Variants in SVIL observed in about 807,000 individuals in gnomAD.
The protein encoded by SVIL is supervillin, also known as archvillin.
A neutral mutation model predicts 240.4 loss-of-function variants in SVIL; 101 were observed. The ratio of observed to expected loss-of-function variants is 0.42; its 90% CI spans 0.36 to 0.50. SVIL has a LOEUF of 0.50. SVIL is among the 20% of genes least tolerant of loss of function. The probability of loss-of-function intolerance (pLI) is 0.01; values close to 1 mark genes in which losing one functional copy is unlikely to be tolerated. For synonymous variants in SVIL, 999 were observed against 1,100.0 expected, an observed-to-expected ratio of 0.91 and a Z score of 1.82; for missense variants, 2,512 against 2,818.7, an observed-to-expected ratio of 0.89 and a Z score of 2.46.
At chr10:29,492,483 G>T (rs146446576) in intron 21 of SVIL, among the ~76,000 whole-genome samples, 12 of 152,106 alleles carry the variant, frequency 7.9e-5, no homozygotes, top group African/African-American at 2.7e-4. Flanking sequence ...ACTGTTCAGC[G>T]CGTGAGCCAG....
chr10:29,725,028 C>CAAAAAAAAAAAAAAAAAAAAAAA (rs1187861054), intron 1 of SVIL, among the ~76,000 whole-genome samples: 1 of 40,922 alleles, frequency 2.4e-5, no homozygotes. Flanking sequence ...GACCCGGTCT[C>CAAAAAAAAAAAAAAAAAAAAAAA]AAAAAAAAAA....
rs1245943308 is a variant in SVIL, at chr10:29,478,631, A to G, written c.5377+1906T>C. On this transcript the variant is annotated intron_variant, in intron 29 of 37. Transcript: ENST00000355867. ...ATGAAAAAGGAAAGGAGCAGTTCCAATTGCTTGCTCATAAGAAATTAAGTA... is the reference window on the plus strand; with the variant it reads ...ATGAAAAAGGAAAGGAGCAGTTCCAGTTGCTTGCTCATAAGAAATTAAGTA... Among the ~76,000 whole-genome samples the G allele has an allele frequency of 2.6e-5, 4 of 152,138 alleles. No individual in the cohort carries two copies. In the East Asian group the frequency reaches 7.7e-4, roughly 29 times the overall value.
chr10:29,546,401 A>G (rs1169951081), intron 6 of SVIL, among the ~76,000 whole-genome samples: 1 of 152,212 alleles, frequency 6.6e-6, no homozygotes, highest in Non-Finnish European at 1.5e-5. Context: ...GTCCAACTGA[A>G]TTCCTGGGCA....
At chr10:29,543,242 A>C (rs752609599) in intron 6 of SVIL, among the ~76,000 whole-genome samples, 2 of 152,214 alleles carry the variant, frequency 1.3e-5, no homozygotes, top group Non-Finnish European at 2.9e-5. Context: ...AAAACACAAC[A>C]AAACAACCTG....
rs10667163 is a variant in SVIL at position 29,568,787 on chromosome 10, G to GTGGATGGA, written c.-143+460_-143+467dup. Among the ~76,000 whole-genome samples the GTGGATGGA allele has an allele frequency of 6.4e-3, 891 of 139,756 alleles. 30 individuals carry two copies. The South Asian group carries it at 0.095, about 15-fold the overall frequency. 91.7% of individuals were successfully genotyped at this position (139,756 alleles called of 152,430 possible). ...ATAACTCACATGGATGGGTGGATGG[G>GTGGATGGA]TGGATGGATGGATGGATGGATGGAT... On this transcript the variant is annotated intron_variant, in intron 2 of 37. Transcript: ENST00000355867.
chr10:29,517,504 A>G (rs1364735654), intron 16 of SVIL, among the ~76,000 whole-genome samples: 1 of 152,234 alleles, frequency 6.6e-6, no homozygotes, highest in African/African-American at 2.4e-5. Flanking sequence ...TCTTATTCCT[A>G]CATAAATCTG....
chr10:29,644,795 C>A (rs1244458166), intron 3 of SVIL, among the ~76,000 whole-genome samples: 1 of 152,138 alleles, frequency 6.6e-6, no homozygotes, highest in Non-Finnish European at 1.5e-5. Flanking sequence ...CGAGTGGGAA[C>A]TTCCTACCCT....
At chr10:29,640,210 G>C (rs1485339734) in intron 3 of SVIL, among the ~76,000 whole-genome samples, 2 of 152,068 alleles carry the variant, frequency 1.3e-5, no homozygotes, top group Non-Finnish European at 2.9e-5. Flanking sequence ...CTACAACCCA[G>C]AAACTGCTCT....
chr10:29,685,385 T>C (rs1327331251), intron 2 of SVIL, among the ~76,000 whole-genome samples: 1 of 152,252 alleles, frequency 6.6e-6, no homozygotes, highest in Non-Finnish European at 1.5e-5. Flanking sequence ...GATGAACATA[T>C]GTGTACATGT....
chr10:29,562,306 T>A (rs114933981), intron 3 of SVIL, among the ~76,000 whole-genome samples: 122 of 152,258 alleles, frequency 8.0e-4, no homozygotes, highest in African/African-American at 2.8e-3. Context: ...GGGGAATTGG[T>A]TTATAGTTGG....
At chr10:29,478,234 CA>C (rs1295796275) in intron 29 of SVIL, among the ~76,000 whole-genome samples, 4 of 152,210 alleles carry the variant, frequency 2.6e-5, no homozygotes, top group African/African-American at 9.6e-5. Context: ...TGCACAAAAG[CA>C]AAAGCGTAAG....
chr10:29,714,085 A>G (rs1474223739), intron 1 of SVIL, among the ~76,000 whole-genome samples: 1 of 152,168 alleles, frequency 6.6e-6, no homozygotes, highest in Non-Finnish European at 1.5e-5. Flanking sequence ...AGACAGAAAA[A>G]TGAGGTTTAG....
intron 17 of SVIL, among the ~76,000 whole-genome samples, chr10:29,506,471 C>T (rs983348741): frequency 7.2e-5 from 11 of 152,092 alleles, no homozygotes; most frequent in South Asian, 2.1e-4. Context: ...ACCCCAGACA[C>T]CTTCCCTGTC....
chr10:29,723,126 T>A (rs1185329669), intron 1 of SVIL, among the ~76,000 whole-genome samples: 6 of 152,182 alleles, frequency 3.9e-5, no homozygotes, highest in Admixed American at 1.3e-4. Flanking sequence ...TCTCAACACT[T>A]TGAAAGGCTG....
chr10:29,717,903 T>A (rs564085080), intron 1 of SVIL, among the ~76,000 whole-genome samples: 204 of 152,298 alleles, frequency 1.3e-3, no homozygotes, highest in Non-Finnish European at 2.4e-3. Flanking sequence ...AGCTATAACA[T>A]ACATATCAAA....
intron 7 of SVIL, 61 bp from the exon 8 acceptor site, chr10:29,533,519 C>A: frequency 6.5e-7 from 1 of 1,540,472 alleles, no homozygotes. Context: ...AGGAGGAAAG[C>A]ATGCGTAGAT....
chr10:29,724,326 G>C (rs72804852), intron 1 of SVIL, among the ~76,000 whole-genome samples: 2,743 of 149,792 alleles, frequency 0.018, 34 homozygotes, highest in Non-Finnish European at 0.026. Context: ...AAAAAAAAGA[G>C]CCATGCAATG....
intron 1 of SVIL, among the ~76,000 whole-genome samples, chr10:29,602,659 C>A (rs955008902): frequency 2.0e-5 from 3 of 152,128 alleles, no homozygotes; most frequent in African/African-American, 2.4e-5. Context: ...AATGGTCAAG[C>A]CTGAAAGAAG....
chr10:29,470,161 C>A, intron 32 of SVIL, 115 bp downstream of exon 32: 1 of 1,202,842 alleles, frequency 8.3e-7, no homozygotes, highest in Non-Finnish European at 1.2e-6. Context: ...CCATCCTTTG[C>A]TGCAGTCACT....
Sources: allele counts gnomAD v4.1 joint callset (sites outside exome capture counted in the v4.1 genomes callset), GRCh38; gene constraint gnomAD v4.1.1; transcripts MANE v1.5; gene names NCBI Gene and HGNC (gene_info 2026-07-23, HGNC 2026-07-21).